The following KCNN3 variants were observed in gnomAD, a reference collection of about 807,000 sequenced individuals.
KCNN3 encodes potassium calcium-activated channel subfamily N member 3, also known as small conductance calcium-activated potassium channel protein 3.
In KCNN3, 16 loss-of-function variants were observed where a neutral mutation model predicts 62.9. The ratio of observed to expected loss-of-function variants is 0.25; its 90% CI spans 0.17 to 0.39. KCNN3 has a LOEUF of 0.39. Ranked by LOEUF, KCNN3 falls within the 10% of genes least tolerant of loss-of-function variation. The pLI, the probability that KCNN3 is intolerant of heterozygous loss-of-function variation, is 1.00. For missense variants in KCNN3, 599 were observed against 949.4 expected, an observed-to-expected ratio of 0.63 and a Z score of 4.85; for synonymous variants, 370 against 389.2, an observed-to-expected ratio of 0.95 and a Z score of 0.58.
At chr1:154,807,746 C>G (rs1650240748) in intron 2 of KCNN3, among the ~76,000 whole-genome samples, 1 of 152,184 alleles carries the variant, frequency 6.6e-6, no homozygotes, top group Non-Finnish European at 1.5e-5. Flanking sequence ...AAAGATCCGA[C>G]AGAGCAAGAC....
chr1:154,815,932 A>G (rs879315059), intron 2 of KCNN3, among the ~76,000 whole-genome samples: 3 of 152,224 alleles, frequency 2.0e-5, no homozygotes, highest in Non-Finnish European at 4.4e-5. Context: ...CTCCTGCATT[A>G]CAGACACCCA....
intron 7 of KCNN3, among the ~76,000 whole-genome samples, chr1:154,712,969 C>T (rs567179540): frequency 1.2e-4 from 19 of 152,276 alleles, no homozygotes; most frequent in African/African-American, 4.3e-4. Context: ...TGCACCCCCC[C>T]ACACACACCA....
intron 2 of KCNN3, among the ~76,000 whole-genome samples, chr1:154,817,081 C>T (rs891685989): frequency 6.6e-6 from 1 of 152,174 alleles, no homozygotes; most frequent in Non-Finnish European, 1.5e-5. Flanking sequence ...AGGAGTTCTG[C>T]ATATATTATC....
chr1:154,707,884 G>C lies in KCNN3; in HGVS notation c.*92C>G. 1 of 1,379,382 alleles carries C rather than the reference G, an allele frequency of 7.2e-7. No individual in the cohort carries two copies. The highest frequency in any genetic ancestry group is 1.0e-6 in the Non-Finnish European group (1 of 998,906). 85.4% of individuals were successfully genotyped at this position (1,379,382 alleles called of 1,614,324 possible). On this transcript the variant is annotated 3_prime_UTR_variant, in exon 8 of 8. Coordinates refer to ENST00000271915, the MANE Select transcript of KCNN3 (RefSeq NM_002249.6). ...CGGTCTCTCTTCTTTCCGTTCCCTG[G>C]TCTGAATGTTTCTTGATGGCAAAGC...
Position 154,715,007 on chromosome 1 carries a change from AGGAAGAATAAAT to A in KCNN3, c.1702-16_1702-5del. 6.2e-7 allele frequency: 1 copy of A among 1,613,594 alleles called. No homozygotes were observed. Among genetic ancestry groups the A allele is most frequent in the Non-Finnish European group, 8.5e-7 (1 of 1,179,628 alleles). On this transcript the variant is annotated splice_region_variant and splice_polypyrimidine_tract_variant and intron_variant, in intron 5 of 7. Coordinates refer to ENST00000271915, the MANE Select transcript of KCNN3 (RefSeq NM_002249.6). Reference sequence around the variant, plus strand: ...CATTGGCTGCAGCATTCTTGATCTAAGGAAGAATAAATAAAGTAGGCTGCTATCAGGTTCATT... The same window carrying A: ...CATTGGCTGCAGCATTCTTGATCTAAAAAGTAGGCTGCTATCAGGTTCATT...
At chr1:154,749,842 C>T (rs1029310530) in intron 3 of KCNN3, among the ~76,000 whole-genome samples, 4 of 152,158 alleles carry the variant, frequency 2.6e-5, no homozygotes, top group Non-Finnish European at 4.4e-5. Context: ...GTCCCCACGG[C>T]CGTGGGGCTT....
At chr1:154,764,560 T>C (rs1030667879) in intron 3 of KCNN3, among the ~76,000 whole-genome samples, 1 of 152,228 alleles carries the variant, frequency 6.6e-6, no homozygotes, top group African/African-American at 2.4e-5. Flanking sequence ...AAAAAAATAT[T>C]TCTCTGATTG....
intron 1 of KCNN3, 126 bp from the exon 2 acceptor site, chr1:154,822,310 G>T: frequency 4.0e-6 from 3 of 756,718 alleles, no homozygotes; most frequent in Non-Finnish European, 6.9e-6. Flanking sequence ...CCTCCTAGGA[G>T]CAGGTGTAGC....
chr1:154,739,232 G>C (rs1700777397), intron 3 of KCNN3, among the ~76,000 whole-genome samples: 1 of 152,178 alleles, frequency 6.6e-6, no homozygotes, highest in Non-Finnish European at 1.5e-5. Context: ...ATGTAACTTT[G>C]ATCATATCAA....
At chr1:154,775,567 C>A (rs948391213) in intron 2 of KCNN3, among the ~76,000 whole-genome samples, 22 of 131,574 alleles carry the variant, frequency 1.7e-4, no homozygotes, top group Admixed American at 5.2e-4. Context: ...AGCAGCCAGC[C>A]CCCCACCCAC....
At chr1:154,839,291 G>A (rs964675346) in intron 1 of KCNN3, among the ~76,000 whole-genome samples, 2 of 152,300 alleles carry the variant, frequency 1.3e-5, no homozygotes, top group East Asian at 1.9e-4. Context: ...AAGGCTCTGC[G>A]TACCTACACC....
At chr1:154,782,687 G>A (rs890947801) in intron 2 of KCNN3, among the ~76,000 whole-genome samples, 4 of 152,184 alleles carry the variant, frequency 2.6e-5, no homozygotes, top group East Asian at 1.9e-4. Flanking sequence ...CCAGACTGTG[G>A]GCCGAGCCAG....
intron 3 of KCNN3, among the ~76,000 whole-genome samples, chr1:154,764,386 G>A (rs565168522): frequency 1.6e-4 from 24 of 152,238 alleles, no homozygotes; most frequent in African/African-American, 5.8e-4. Context: ...TCTGTGGCCT[G>A]AGGCACATCG....
intron 2 of KCNN3, among the ~76,000 whole-genome samples, chr1:154,817,251 A>G (rs1650704748): frequency 1.3e-5 from 2 of 152,238 alleles, no homozygotes; most frequent in South Asian, 4.1e-4. Context: ...ACTTATGAAC[A>G]AAAGCCACAG....
At chr1:154,829,812 C>A (rs987219889) in intron 1 of KCNN3, among the ~76,000 whole-genome samples, 2 of 152,158 alleles carry the variant, frequency 1.3e-5, no homozygotes, top group Non-Finnish European at 2.9e-5. Flanking sequence ...CACCAGGAAC[C>A]CCGCTGGTCT....
intron 2 of KCNN3, among the ~76,000 whole-genome samples, 186 bp downstream of exon 2, chr1:154,821,903 G>A (rs559257297): frequency 4.6e-5 from 7 of 152,312 alleles, no homozygotes; most frequent in South Asian, 4.1e-4. Context: ...GCCACAGGGC[G>A]GCCTCGCAGT....
At chr1:154,815,347 C>T (rs779662229) in intron 2 of KCNN3, among the ~76,000 whole-genome samples, 8 of 152,122 alleles carry the variant, frequency 5.3e-5, no homozygotes, top group Admixed American at 2.6e-4. Context: ...TCTCCTGAAA[C>T]GCTCTGGGCC....
chr1:154,732,528 C>T (rs578146419), intron 4 of KCNN3, among the ~76,000 whole-genome samples: 1 of 152,334 alleles, frequency 6.6e-6, no homozygotes, highest in South Asian at 2.1e-4. Flanking sequence ...ACTCAGGTCC[C>T]AAAGGCCGAC....
In KCNN3 at chr1:154,700,083, A is replaced by G. The variant is rs762076815; in HGVS notation, c.*7893T>C. On this transcript the variant is annotated 3_prime_UTR_variant, in exon 8 of 8. Coordinates refer to ENST00000271915, the MANE Select transcript of KCNN3 (RefSeq NM_002249.6). ...CCTTATGATCATTCAGGACCTTCAC[A>G]TCTTCAAATAATTCTGTAAATGAGA... 2.6e-5 allele frequency: 4 copies of G among 152,176 alleles called. No individual in the cohort carries two copies. The highest frequency in any genetic ancestry group is 5.9e-5 in the Non-Finnish European group (4 of 68,032). 9.4% of individuals were successfully genotyped at this position (152,176 alleles called of 1,614,324 possible).
Sources: gnomAD v4.1 joint callset for allele counts (sites outside exome capture counted in the v4.1 genomes callset) on GRCh38, gnomAD v4.1.1 for gene constraint, MANE v1.5 for transcripts, NCBI Gene and HGNC (gene_info 2026-07-23, HGNC 2026-07-21) for gene names.